The following TMEM18 variants were observed in gnomAD, a reference collection of about 807,000 sequenced individuals.
TMEM18 encodes transmembrane protein 18.
TMEM18 carries 14 observed loss-of-function variants against 17.4 expected under a neutral mutation model. The observed-to-expected ratio is 0.80, with a 90% confidence interval of 0.53 to 1.25. The LOEUF is 1.25. Ranked by LOEUF, TMEM18 falls within the 50% of genes most tolerant of loss-of-function variation. The probability of loss-of-function intolerance (pLI) is 0.00; values close to 1 mark genes in which losing one functional copy is unlikely to be tolerated. For missense variants in TMEM18, 187 were observed against 172.1 expected (o/e 1.09, Z -0.48); for synonymous variants, 86 against 66.1 (o/e 1.30, Z -1.46).
intron 1 of TMEM18, chr2:676,075 G>A: frequency 9.8e-6 from 13 of 1,321,588 alleles, no homozygotes; most frequent in Non-Finnish European, 1.3e-5. Flanking sequence ...GGTAAAACAT[G>A]AATCATCATT....
In TMEM18 at chr2:667,761, C is replaced by T. The variant is rs1437555094; in HGVS notation, c.*1819G>A. 6.6e-6 allele frequency: 1 copy of T among 152,208 alleles called. No individual in the cohort carries two copies. Among genetic ancestry groups the T allele is most frequent in the African/African-American group, 2.4e-5 (1 of 41,450 alleles). 9.4% of individuals were successfully genotyped at this position (152,208 alleles called of 1,614,324 possible). On this transcript the variant is annotated 3_prime_UTR_variant, in exon 5 of 5. Transcript: ENST00000281017. ...AACTGTTCCAAAACACAGACACACACATGCAGAATGAAAATCAAAGACCAC... is the reference window on the plus strand; with the variant it reads ...AACTGTTCCAAAACACAGACACACATATGCAGAATGAAAATCAAAGACCAC...
rs201517976 is a variant in TMEM18 at position 675,626 on chromosome 2, G to A, written c.62C>T (p.Thr21Met). Residue 21 changes from threonine to methionine, a missense_variant, in exon 2 of 5, where the codon ACG becomes ATG. Coordinates refer to ENST00000281017, the MANE Select transcript of TMEM18 (RefSeq NM_152834.4). ...PVSIPAVLTQ[T>M]DWTEPWLMGL... ...CATGAGCCAGGGCTCAGTCCAGTCCGTCTGCTGTAGGAACACACCAGCAGA... is the reference window on the plus strand; with the variant it reads ...CATGAGCCAGGGCTCAGTCCAGTCCATCTGCTGTAGGAACACACCAGCAGA... 138 of 1,613,644 alleles carry A rather than the reference G, an allele frequency of 8.6e-5. No homozygotes were observed. The highest frequency in any genetic ancestry group is 1.1e-4 in the Non-Finnish European group (124 of 1,180,004).
At position 664,044 on chromosome 2, in the gene TMEM18, G is replaced by C. The variant is rs1305474565; in HGVS notation, c.*5536C>G. 6.6e-6 allele frequency among the ~76,000 whole-genome samples: 1 copy of C among 152,188 alleles called. No homozygotes were observed. Among genetic ancestry groups the C allele is most frequent in the Non-Finnish European group, 1.5e-5 (1 of 68,032 alleles). ...CTTGAGCAAAAGGATATTCGGTTTG[G>C]AGGCTAGAGAAGGAAGCAATGATGC... On this transcript the variant is annotated 3_prime_UTR_variant, in exon 5 of 5. Coordinates refer to ENST00000281017, the MANE Select transcript of TMEM18 (RefSeq NM_152834.4).
chr2:676,710 G>T, intron 1 of TMEM18: 1 of 1,443,794 alleles, frequency 6.9e-7, no homozygotes, highest in Non-Finnish European at 9.4e-7. Flanking sequence ...CACGGCGCAC[G>T]CCCCGCCCAC....
chr2:676,669 G>GC, intron 1 of TMEM18: 1 of 1,546,118 alleles, frequency 6.5e-7, no homozygotes, highest in Non-Finnish European at 8.7e-7. Context: ...GTGGGGCGTG[G>GC]GCTCCCCTGG....
In TMEM18 at chr2:676,204, C is replaced by T. The variant is rs1386957787; in HGVS notation, c.58-574G>A. On this transcript the variant is annotated intron_variant, in intron 1 of 4. Coordinates refer to ENST00000281017, the MANE Select transcript of TMEM18 (RefSeq NM_152834.4). ...GAACTCTCCAGACAGTGCCGCACTC[C>T]GCCGCCTCCTGGACTCCCCGGGACC... 4 of 1,372,246 alleles carry T rather than the reference C, an allele frequency of 2.9e-6. 1 individual carries two copies. The highest frequency in any genetic ancestry group is 3.9e-6 in the Non-Finnish European group (4 of 1,033,256). 85.0% of individuals were successfully genotyped at this position (1,372,246 alleles called of 1,614,324 possible).
At chr2:677,216 T>A (rs1572415582) in intron 1 of TMEM18, 73 bp downstream of exon 1, 1 of 1,542,978 alleles carries the variant, frequency 6.5e-7, no homozygotes, top group South Asian at 1.2e-5. Flanking sequence ...ACAGGCCGGG[T>A]GCTCTGTGGG....
In TMEM18 at chr2:677,273, G is replaced by A; in HGVS notation, c.57+16C>T. ...CGTCCTCCCCCGAACTGGTGGTTAC[G>A]CGGGCCGCGAGTTACCGTGAGCACG... On this transcript the variant is annotated intron_variant, in intron 1 of 4. Coordinates refer to ENST00000281017, the MANE Select transcript of TMEM18 (RefSeq NM_152834.4). 4 of 1,608,348 alleles carry A rather than the reference G, an allele frequency of 2.5e-6. No homozygotes were observed. Among genetic ancestry groups the A allele is most frequent in the Non-Finnish European group, 3.4e-6 (4 of 1,178,886 alleles).
In TMEM18 at chr2:668,182, A is replaced by AC. The variant is rs1240935469; in HGVS notation, c.*1397dup. Reference sequence around the variant, plus strand: ...TTATGATAACAACATAGGGGAAACCACCCCCATGATCCCATCACCTCCCAT... The same window carrying AC: ...TTATGATAACAACATAGGGGAAACCACCCCCCATGATCCCATCACCTCCCAT... On this transcript the variant is annotated 3_prime_UTR_variant, in exon 5 of 5. Coordinates refer to ENST00000281017, the MANE Select transcript of TMEM18 (RefSeq NM_152834.4). The AC allele has an allele frequency of 1.3e-5, 2 of 151,994 alleles. No individual in the cohort carries two copies. The highest frequency in any genetic ancestry group is 4.8e-5 in the African/African-American group (2 of 41,348). 9.4% of individuals were successfully genotyped at this position (151,994 alleles called of 1,614,324 possible).
chr2:676,699 G>A (rs1659244665), intron 1 of TMEM18: 2 of 1,484,646 alleles, frequency 1.3e-6, no homozygotes, highest in Non-Finnish European at 1.8e-6. Flanking sequence ...GACGAACCCG[G>A]CACGGCGCAC....
chr2:675,561 AG>A lies in TMEM18; in HGVS notation c.126del (p.Cys43AlafsTer17). ...AGTCTGTAGCTTCGGGAGGACAAGC[AG>A]GTGAGGAGCACGCAGAGCGCGTGGA... ...ATFHALCVLL[T>X]CLSSRSYRLQ... is the part of the protein sequence containing the mutation. On this transcript the variant is annotated frameshift_variant, in exon 2 of 5. Transcript: ENST00000281017. LOFTEE classifies it high-confidence loss of function. 1.2e-6 allele frequency: 2 copies of A among 1,614,264 alleles called. No homozygotes were observed. Among genetic ancestry groups the A allele is most frequent in the Non-Finnish European group, 1.7e-6 (2 of 1,180,042 alleles).
intron 1 of TMEM18, chr2:676,721 A>T: frequency 7.4e-7 from 1 of 1,355,022 alleles, no homozygotes; most frequent in Non-Finnish European, 1.0e-6. Context: ...CCCCGCCCAC[A>T]CTGGGCAGCG....
intron 2 of TMEM18, among the ~76,000 whole-genome samples, chr2:674,726 C>A (rs1354254174): frequency 6.6e-6 from 1 of 152,270 alleles, no homozygotes; most frequent in Non-Finnish European, 1.5e-5. Flanking sequence ...CTAAACTTAT[C>A]TGAAATTAGT....
At chr2:676,947 G>A (rs1046422571) in intron 1 of TMEM18, among the ~76,000 whole-genome samples, 1 of 151,662 alleles carries the variant, frequency 6.6e-6, no homozygotes, top group Non-Finnish European at 1.5e-5. Context: ...CCGGGCCACA[G>A]AGCGCCGGAG....
At chr2:673,335 G>A (rs1439560256) in intron 2 of TMEM18, among the ~76,000 whole-genome samples, 1 of 152,256 alleles carries the variant, frequency 6.6e-6, no homozygotes, top group Non-Finnish European at 1.5e-5. Flanking sequence ...GGAGGGGAGC[G>A]AACAGCTTTG....
chr2:676,884 C>T (rs565856007), intron 1 of TMEM18: 4 of 582,714 alleles, frequency 6.9e-6, no homozygotes, highest in Non-Finnish European at 1.2e-5. Flanking sequence ...TCGCGCTCCG[C>T]CCACACAACT....
intron 3 of TMEM18, 125 bp from the exon 4 acceptor site, chr2:669,975 TG>T: frequency 1.4e-6 from 1 of 696,344 alleles, no homozygotes; most frequent in South Asian, 1.9e-5. Flanking sequence ...ACACCCTCAC[TG>T]GGCCCACCCT....
chr2:676,152 T>G, intron 1 of TMEM18: 3 of 1,330,286 alleles, frequency 2.3e-6, no homozygotes, highest in Non-Finnish European at 3.0e-6. Context: ...CAAGACTTGA[T>G]TTTCTCCAAC....
chr2:676,077 A>G (rs949865039), intron 1 of TMEM18: 2 of 1,321,146 alleles, frequency 1.5e-6, no homozygotes, highest in African/African-American at 3.0e-5. Flanking sequence ...TAAAACATGA[A>G]TCATCATTTC....
Sources: gnomAD v4.1 joint callset for allele counts (sites outside exome capture counted in the v4.1 genomes callset) on GRCh38, gnomAD v4.1.1 for gene constraint, MANE v1.5 for transcripts, NCBI Gene and HGNC (gene_info 2026-07-23, HGNC 2026-07-21) for gene names.